The following DMXL2 variants were observed in gnomAD, a reference collection of about 807,000 sequenced individuals.
DMXL2 encodes Dmx like 2.
Under a neutral mutation model 331.1 loss-of-function variants are expected in DMXL2, and 103 were observed. That is an observed-to-expected ratio of 0.31 (90% CI 0.27 to 0.37). The LOEUF (loss-of-function observed/expected upper bound fraction) is 0.37, where lower values mean the gene tolerates loss of function less well. Ranked by LOEUF, DMXL2 falls within the 10% of genes least tolerant of loss-of-function variation. The probability of loss-of-function intolerance (pLI) is 1.00; values close to 1 mark genes in which losing one functional copy is unlikely to be tolerated. For synonymous variants in DMXL2, 1,281 were observed against 1,252.1 expected (o/e 1.02, Z -0.49); for missense variants, 3,171 against 3,642.9 (o/e 0.87, Z 3.33).
rs372617427 is a variant in DMXL2 at position 51,590,728 on chromosome 15, C to T, written c.88-14547G>A. On this transcript the variant is annotated intron_variant, in intron 1 of 43. Transcript: ENST00000560891. ...CTTTATTCAACAACTATTCATAATA[C>T]GATAACTGCTAAGCATTAAGTCAAC... Among the ~76,000 whole-genome samples the T allele has an allele frequency of 3.3e-5, 5 of 152,198 alleles. No homozygotes were observed. The East Asian group carries it at 9.6e-4, about 29-fold the overall frequency.
chr15:51,462,428 C>T (rs1019323044), intron 33 of DMXL2, among the ~76,000 whole-genome samples: 4 of 152,204 alleles, frequency 2.6e-5, no homozygotes, highest in South Asian at 2.1e-4. Context: ...CTCTGCCTCT[C>T]GGGTTCAAGC....
chr15:51,565,602 T>C (rs2050218397), intron 3 of DMXL2, among the ~76,000 whole-genome samples: 1 of 152,212 alleles, frequency 6.6e-6, no homozygotes, highest in African/African-American at 2.4e-5. Flanking sequence ...GGAATTAGTA[T>C]TGGTCTATAC....
chr15:51,565,677 T>C lies in DMXL2; in HGVS notation c.286-511A>G, dbSNP rs116288776. On this transcript the variant is annotated intron_variant, in intron 3 of 43. Transcript: ENST00000560891. ...CAGAAACTGTGTCATAATTTTGTTA[T>C]CTTCAGCGTTTGTAATGGCTGGCAT... Among the ~76,000 whole-genome samples the C allele has an allele frequency of 6.2e-3, 948 of 152,338 alleles. 8 individuals carry two copies. Among genetic ancestry groups the C allele is most frequent in the African/African-American group, 0.022 (910 of 41,570 alleles).
At position 51,455,235 on chromosome 15, in the gene DMXL2, G is replaced by A; in HGVS notation, c.8527-7C>T. On this transcript the variant is annotated splice_polypyrimidine_tract_variant and splice_region_variant and intron_variant, in intron 39 of 43. Transcript: ENST00000560891. Reference sequence around the variant, plus strand: ...CTCCATCCGCAACACCACACTGTAAGAACAGTATAACTACTAAACACATGT... The same window carrying A: ...CTCCATCCGCAACACCACACTGTAAAAACAGTATAACTACTAAACACATGT... 6.8e-6 allele frequency: 11 copies of A among 1,612,280 alleles called. No homozygotes were observed. Among genetic ancestry groups the A allele is most frequent in the Non-Finnish European group, 9.3e-6 (11 of 1,178,344 alleles).
At chr15:51,484,264 C>G (rs1595967327) in intron 23 of DMXL2, among the ~76,000 whole-genome samples, 2 of 152,332 alleles carry the variant, frequency 1.3e-5, no homozygotes, top group South Asian at 4.1e-4. Flanking sequence ...GACCATGTAC[C>G]CACACTCCTG....
rs191213576 is a variant in DMXL2 at position 51,548,487 on chromosome 15, C to T, written c.568-1079G>A. ...CACTTAACAATGTACTAGTTGCTTTCCTCCAAGTATCTTCTTCAGCATAGC... is the reference window on the plus strand; with the variant it reads ...CACTTAACAATGTACTAGTTGCTTTTCTCCAAGTATCTTCTTCAGCATAGC... On this transcript the variant is annotated intron_variant, in intron 6 of 43. Coordinates refer to ENST00000560891, the MANE Select transcript of DMXL2 (RefSeq NM_001378457.1). Among the ~76,000 whole-genome samples the T allele has an allele frequency of 6.6e-5, 10 of 152,204 alleles. No individual in the cohort carries two copies. In the East Asian group the frequency reaches 1.7e-3, roughly 26 times the overall value.
chr15:51,558,592 G>A (rs867183641), intron 6 of DMXL2, among the ~76,000 whole-genome samples: 2 of 151,984 alleles, frequency 1.3e-5, no homozygotes, highest in South Asian at 2.1e-4. Flanking sequence ...CTACTAAACC[G>A]CACATGATTG....
At chr15:51,565,249 T>C in intron 3 of DMXL2, 83 bp from the exon 4 acceptor site, 1 of 816,920 alleles carries the variant, frequency 1.2e-6, no homozygotes. Flanking sequence ...CATTTTATCA[T>C]TTTCTTCAAC....
chr15:51,517,616 C>A (rs1030556849), intron 13 of DMXL2, among the ~76,000 whole-genome samples: 2 of 152,192 alleles, frequency 1.3e-5, no homozygotes, highest in African/African-American at 2.4e-5. Flanking sequence ...ACCCCAAAAT[C>A]CCAAAACTTT....
Position 51,545,715 on chromosome 15 carries a change from C to A in DMXL2, c.798G>T (p.Arg266=). The part of the protein sequence containing the change: ...LLTSCHDGVC[R]LWAETLLPED... ...CTGGTAATAAAGTTTCTGCCCAGAG[C>A]CGGCACACACCATCATGACATGAAG... The change falls in exon 8 of 44, where the codon CGG becomes CGT. Residue 266 remains arginine, a synonymous_variant. Coordinates refer to ENST00000560891, the MANE Select transcript of DMXL2 (RefSeq NM_001378457.1). The A allele has an allele frequency of 1.9e-6, 3 of 1,613,576 alleles. No individual in the cohort carries two copies. The highest frequency in any genetic ancestry group is 1.1e-5 in the South Asian group (1 of 91,048).
At chr15:51,550,438 A>C (rs1471549497) in intron 6 of DMXL2, among the ~76,000 whole-genome samples, 7 of 152,164 alleles carry the variant, frequency 4.6e-5, no homozygotes, top group South Asian at 2.1e-4. Flanking sequence ...TCACGAATAT[A>C]ACATGATAAT....
intron 1 of DMXL2, among the ~76,000 whole-genome samples, chr15:51,585,214 A>C (rs1349087145): frequency 8.2e-6 from 1 of 121,640 alleles, no homozygotes; most frequent in African/African-American, 3.2e-5. Context: ...GCCAGTTTTC[A>C]AAGGGAATGC....
chr15:51,579,515 C>T (rs558278133), intron 1 of DMXL2, among the ~76,000 whole-genome samples: 1 of 152,272 alleles, frequency 6.6e-6, no homozygotes, highest in South Asian at 2.1e-4. Flanking sequence ...AGAGCAAGGA[C>T]CTTACCTTGT....
chr15:51,503,906 C>T (rs991085668), intron 16 of DMXL2, among the ~76,000 whole-genome samples: 4 of 151,936 alleles, frequency 2.6e-5, no homozygotes, highest in African/African-American at 7.3e-5. Flanking sequence ...CAAACTTTTG[C>T]TTAGTTACCC....
chr15:51,493,860 A>G (rs2042972603), intron 19 of DMXL2, among the ~76,000 whole-genome samples: 1 of 152,208 alleles, frequency 6.6e-6, no homozygotes, highest in Non-Finnish European at 1.5e-5. Flanking sequence ...TTAATATCAA[A>G]TGTGGGCAAT....
chr15:51,542,578 T>C, intron 8 of DMXL2, 71 bp from the exon 9 acceptor site: 1 of 1,204,180 alleles, frequency 8.3e-7, no homozygotes, highest in Non-Finnish European at 1.2e-6. Context: ...GTACTCTTAA[T>C]TATTAAGAGG....
At chr15:51,523,627 C>T (rs900701503) in intron 13 of DMXL2, among the ~76,000 whole-genome samples, 4 of 151,982 alleles carry the variant, frequency 2.6e-5, no homozygotes, top group Admixed American at 1.3e-4. Flanking sequence ...AAAAAGGATA[C>T]GCAGAGACAC....
intron 6 of DMXL2, among the ~76,000 whole-genome samples, chr15:51,558,603 C>T (rs867572904): frequency 2.6e-5 from 4 of 152,164 alleles, no homozygotes; most frequent in Non-Finnish European, 4.4e-5. Context: ...CACATGATTG[C>T]AGTCTTCCTG....
chr15:51,474,664 C>T, intron 27 of DMXL2, 72 bp from the exon 28 acceptor site: 1 of 1,455,674 alleles, frequency 6.9e-7, no homozygotes, highest in Non-Finnish European at 9.2e-7. Context: ...TCCAAATTTG[C>T]AACTTATCCA....
Sources: gnomAD v4.1 joint callset for allele counts (sites outside exome capture counted in the v4.1 genomes callset) on GRCh38, gnomAD v4.1.1 for gene constraint, MANE v1.5 for transcripts, NCBI Gene and HGNC (gene_info 2026-07-23, HGNC 2026-07-21) for gene names.